SLC22A23: variants seen among roughly 807,000 people sequenced by gnomAD.
The protein encoded by SLC22A23 is ion transporter protein.
A neutral mutation model predicts 61.0 loss-of-function variants in SLC22A23; 26 were observed. The observed-to-expected ratio is 0.43, with a 90% CI of 0.31 to 0.59. The LOEUF is 0.59. SLC22A23 is among the 20% of genes least tolerant of loss of function. The probability of loss-of-function intolerance (pLI) is 0.11; values close to 1 mark genes in which losing one functional copy is unlikely to be tolerated. For synonymous variants in SLC22A23, 430 were observed against 413.9 expected, an observed-to-expected ratio of 1.04 and a Z score of -0.47; for missense variants, 796 against 934.7, an observed-to-expected ratio of 0.85 and a Z score of 1.94.
intron 3 of SLC22A23, among the ~76,000 whole-genome samples, chr6:3,364,497 C>T (rs1256186752): frequency 6.6e-6 from 1 of 152,070 alleles, no homozygotes; most frequent in Non-Finnish European, 1.5e-5. Flanking sequence ...GAGGTCACAC[C>T]ATGTGATGAG....
rs1409005856 is a variant in SLC22A23 at position 3,270,862 on chromosome 6, A to G, written c.*2193T>C. On this transcript the variant is annotated 3_prime_UTR_variant, in exon 10 of 10. Coordinates refer to ENST00000406686, the MANE Select transcript of SLC22A23 (RefSeq NM_015482.2). ...AAAAAAAAAAAAAGTTTACACGACC[A>G]GTGAGACTGCTCGCAACTTTCATCA... is the stretch of plus-strand genomic sequence containing the variant. 1 of 151,914 alleles carries G rather than the reference A, an allele frequency of 6.6e-6. No individual in the cohort carries two copies. The highest frequency in any genetic ancestry group is 1.5e-5 in the Non-Finnish European group (1 of 67,984). The allele number at this position is 151,914 out of a possible 1,614,324, so 9.4% of individuals were successfully genotyped here. A position where few individuals can be genotyped will look rare whatever the true frequency, so the allele number is the denominator to read the frequency against.
At chr6:3,398,929 T>C (rs1391959333) in intron 3 of SLC22A23, among the ~76,000 whole-genome samples, 2 of 152,118 alleles carry the variant, frequency 1.3e-5, no homozygotes, top group African/African-American at 4.8e-5. Context: ...CTCAGGAGGC[T>C]GAGGCGGGAA....
intron 3 of SLC22A23, among the ~76,000 whole-genome samples, chr6:3,370,379 G>A (rs935153791): frequency 2.6e-5 from 4 of 152,236 alleles, no homozygotes; most frequent in Non-Finnish European, 5.9e-5. Flanking sequence ...GCCTTCCAAC[G>A]GCAGGTGGCC....
rs774772885 is a variant in SLC22A23, at chr6:3,317,788, T to C, written c.1082+6046A>G. 9.2e-5 allele frequency among the ~76,000 whole-genome samples: 14 copies of C among 152,106 alleles called. No homozygotes were observed. Among genetic ancestry groups the C allele is most frequent in the Admixed American group, 3.9e-4 (6 of 15,274 alleles). Reference sequence around the variant, plus strand: ...CTGCCGCTCCTGCTTCACAACTAAGTGCTCAAGTTTGACTCTGCAAACCAC... The same window carrying C: ...CTGCCGCTCCTGCTTCACAACTAAGCGCTCAAGTTTGACTCTGCAAACCAC... On this transcript the variant is annotated intron_variant, in intron 4 of 9. Transcript: ENST00000406686. This position sits in a 1 kb window ranked among gnomAD's most constrained non-coding sequence, Gnocchi z 4.4.
intron 9 of SLC22A23, among the ~76,000 whole-genome samples, chr6:3,274,810 G>C (rs989238495): frequency 2.0e-5 from 3 of 152,124 alleles, no homozygotes; most frequent in African/African-American, 7.2e-5. Flanking sequence ...TGCTGAAAAA[G>C]ATAAAACATT....
At chr6:3,347,874 T>G (rs1043696208) in intron 3 of SLC22A23, among the ~76,000 whole-genome samples, 2 of 152,222 alleles carry the variant, frequency 1.3e-5, no homozygotes, top group Admixed American at 1.3e-4. Context: ...CCAAGAGCCC[T>G]TCCTTCTACT....
At chr6:3,402,072 C>G (rs1768428793) in intron 3 of SLC22A23, among the ~76,000 whole-genome samples, 1 of 152,186 alleles carries the variant, frequency 6.6e-6, no homozygotes, top group South Asian at 2.1e-4. Context: ...GGTATCCAGG[C>G]AAGTCCCCTG....
rs12110743 is a variant in SLC22A23, at chr6:3,308,078, G to T, written c.1083-9860C>A. Among the ~76,000 whole-genome samples the T allele has an allele frequency of 7.4e-3, 1,121 of 152,260 alleles. 12 individuals carry two copies. The highest frequency in any genetic ancestry group is 0.026 in the African/African-American group (1,082 of 41,544). On this transcript the variant is annotated intron_variant, in intron 4 of 9. Transcript: ENST00000406686. The surrounding 1 kb of genome is among the most constrained non-coding windows in gnomAD (Gnocchi z 5.1). ...CTGCCAGGACCTGGGATAGAGGAAGGTGAAAAAATTCTAGAAATGGATGGT... is the reference window on the plus strand; with the variant it reads ...CTGCCAGGACCTGGGATAGAGGAAGTTGAAAAAATTCTAGAAATGGATGGT...
intron 1 of SLC22A23, among the ~76,000 whole-genome samples, chr6:3,438,272 A>G (rs970061837): frequency 5.3e-5 from 8 of 152,354 alleles, no homozygotes; most frequent in African/African-American, 1.9e-4. Context: ...CTGCTGGGGA[A>G]GGGGTCACTC....
chr6:3,285,142 G>A lies in SLC22A23; in HGVS notation c.1547-31C>T, dbSNP rs759006663. 18 of 1,612,708 alleles carry A rather than the reference G, an allele frequency of 1.1e-5. No homozygotes were observed. The African/African-American group carries it at 1.3e-4, about 12-fold the overall frequency. ...CCCGCAGACATGATCGCACCCACAC[G>A]GACAAGGGCCAAGCAAGCGAGAAGA... On this transcript the variant is annotated intron_variant, in intron 7 of 9. Transcript: ENST00000406686.
chr6:3,362,865 G>GA (rs914928323), intron 3 of SLC22A23, among the ~76,000 whole-genome samples: 1 of 151,896 alleles, frequency 6.6e-6, no homozygotes, highest in Non-Finnish European at 1.5e-5. Flanking sequence ...TGGGGTGGTG[G>GA]GACAGGGGAA....
At chr6:3,422,653 T>C (rs1554158374) in intron 1 of SLC22A23, among the ~76,000 whole-genome samples, 1 of 152,202 alleles carries the variant, frequency 6.6e-6, no homozygotes, top group Non-Finnish European at 1.5e-5. Context: ...AGAGTTGGCA[T>C]TGGTGCAAGC....
chr6:3,446,027 G>A (rs763034926), intron 1 of SLC22A23, among the ~76,000 whole-genome samples: 1 of 152,206 alleles, frequency 6.6e-6, no homozygotes, highest in African/African-American at 2.4e-5. Context: ...TAAGAAGACA[G>A]AGAGTAGAGA....
intron 2 of SLC22A23, 74 bp downstream of exon 2, chr6:3,415,678 G>C: frequency 9.5e-7 from 1 of 1,049,448 alleles, no homozygotes; most frequent in Non-Finnish European, 1.4e-6. Context: ...AGCTAACACT[G>C]ACTATTTTTC....
chr6:3,273,838 A>G (rs1758655697), intron 9 of SLC22A23, among the ~76,000 whole-genome samples: 1 of 152,194 alleles, frequency 6.6e-6, no homozygotes, highest in Non-Finnish European at 1.5e-5. Flanking sequence ...GGGGATTACC[A>G]AGGGTTAAAG....
chr6:3,451,862 A>ATGTG (rs1217472372), intron 1 of SLC22A23, among the ~76,000 whole-genome samples: 1 of 152,218 alleles, frequency 6.6e-6, no homozygotes, highest in Non-Finnish European at 1.5e-5. Context: ...TGACTTGATG[A>ATGTG]TGGTGTGAAC....
At chr6:3,446,594 C>T (rs1284432760) in intron 1 of SLC22A23, among the ~76,000 whole-genome samples, 3 of 152,132 alleles carry the variant, frequency 2.0e-5, no homozygotes, top group African/African-American at 7.2e-5. Context: ...AGGCTCAGGC[C>T]CCCTTGTCTG....
chr6:3,399,752 T>C (rs1230818777), intron 3 of SLC22A23, among the ~76,000 whole-genome samples: 3 of 152,202 alleles, frequency 2.0e-5, no homozygotes, highest in African/African-American at 7.2e-5. Context: ...AAGCATTCTG[T>C]GAGTGATGGA....
chr6:3,419,936 C>A (rs1770005332), intron 1 of SLC22A23, among the ~76,000 whole-genome samples: 1 of 152,184 alleles, frequency 6.6e-6, no homozygotes, highest in Non-Finnish European at 1.5e-5. Context: ...ATACAAGAGT[C>A]TCTCTGCATT....
Sources: allele counts gnomAD v4.1 joint callset (sites outside exome capture counted in the v4.1 genomes callset), GRCh38; gene constraint gnomAD v4.1.1; non-coding constraint Gnocchi (gnomAD v3.1); transcripts MANE v1.5; gene names NCBI Gene and HGNC (gene_info 2026-07-23, HGNC 2026-07-21).